Variants in DNAH10 observed in about 807,000 individuals in gnomAD.
DNAH10 encodes the protein axonemal beta dynein heavy chain 10.
In DNAH10, 348 loss-of-function variants were observed where a neutral mutation model predicts 506.6. That is an observed-to-expected ratio of 0.69 (90% CI 0.63 to 0.75). DNAH10 has a LOEUF of 0.75. Ranked by LOEUF, DNAH10 falls within the 30% of genes least tolerant of loss-of-function variation. The probability of loss-of-function intolerance (pLI) is 0.00; values close to 1 mark genes in which losing one functional copy is unlikely to be tolerated. For missense variants in DNAH10, 5,179 were observed against 5,787.1 expected, an observed-to-expected ratio of 0.89 and a Z score of 3.41; for synonymous variants, 2,059 against 2,198.6, an observed-to-expected ratio of 0.94 and a Z score of 1.78.
chr12:123,805,808 G>A (rs556623800), intron 18 of DNAH10, among the ~76,000 whole-genome samples: 5 of 140,100 alleles, frequency 3.6e-5, no homozygotes, highest in Admixed American at 1.6e-4. Flanking sequence ...ACAGAGTCTC[G>A]CTCTGTCGCC....
At chr12:123,912,474 TGG>T (rs111518943) in intron 59 of DNAH10, among the ~76,000 whole-genome samples, 2 of 27,902 alleles carry the variant, frequency 7.2e-5, no homozygotes, top group Admixed American at 5.7e-4. Flanking sequence ...GGGTCTGTCC[TGG>T]GGGGGGGTCT....
At chr12:123,929,172 G>A in intron 70 of DNAH10, 103 bp from the exon 71 acceptor site, 2 of 1,210,388 alleles carry the variant, frequency 1.7e-6, no homozygotes, top group South Asian at 2.8e-5. Flanking sequence ...CAGACAGATG[G>A]CTCCGTAGAG....
chr12:123,824,708 C>G (rs955081744), intron 24 of DNAH10, among the ~76,000 whole-genome samples: 1 of 152,128 alleles, frequency 6.6e-6, no homozygotes, highest in African/African-American at 2.4e-5. Context: ...CCCTGGCGTT[C>G]CGTGGCTTGC....
rs762803847 is a variant in DNAH10 at position 123,769,312 on chromosome 12, A to ATT, written c.298+1635_298+1636dup. On this transcript the variant is annotated intron_variant, in intron 2 of 78. Coordinates refer to ENST00000673944, the MANE Select transcript of DNAH10 (RefSeq NM_001372106.1). ...AGGCACACGCCACCTCATCCAGCTAATTTTTTTTTTTTTGAGACAGAATCT... is the reference window on the plus strand; with the variant it reads ...AGGCACACGCCACCTCATCCAGCTAATTTTTTTTTTTTTTTGAGACAGAATCT... Among the ~76,000 whole-genome samples the ATT allele has an allele frequency of 2.9e-4, 42 of 144,986 alleles. 1 individual carries two copies. Among genetic ancestry groups the ATT allele is most frequent in the African/African-American group, 1.0e-3 (40 of 39,690 alleles).
chr12:123,772,804 A>C, intron 3 of DNAH10, 30 bp from the exon 4 acceptor site: 1 of 1,527,908 alleles, frequency 6.5e-7, no homozygotes, highest in Non-Finnish European at 8.9e-7. Context: ...GTATCACAAG[A>C]ATGAATGGTT....
At position 123,875,481 on chromosome 12, in the gene DNAH10, G is replaced by C. The variant is rs1164960698; in HGVS notation, c.8189G>C (p.Gly2730Ala). ...TTAATTTATTCCTCCATCCTGAAAGGCCACACCTCGGTAACTTGATTTTAA... is the reference window on the plus strand; with the variant it reads ...TTAATTTATTCCTCCATCCTGAAAGCCCACACCTCGGTAACTTGATTTTAA... Reference protein sequence around the residue: ...LHLIYSSILKGHTSTFHESIV... With the variant: ...LHLIYSSILKAHTSTFHESIV... The change falls in exon 47 of 79, where the codon GGC becomes GCC. Residue 2730 changes from glycine (G) to alanine (A), a missense_variant. By Grantham distance (60) the Gly-to-Ala change is moderately conservative (BLOSUM62 0). Around this residue, in one of 3 missense-constraint regions of DNAH10, gnomAD observed 4,844 missense variants for 5,430.5 expected, o/e 0.89. Coordinates refer to ENST00000673944, the MANE Select transcript of DNAH10 (RefSeq NM_001372106.1). 1 of 1,613,678 alleles carries C rather than the reference G, an allele frequency of 6.2e-7. No individual in the cohort carries two copies. The highest frequency in any genetic ancestry group is 1.1e-5 in the South Asian group (1 of 91,080).
intron 50 of DNAH10, among the ~76,000 whole-genome samples, chr12:123,880,172 A>G (rs1444855504): frequency 6.6e-6 from 1 of 152,186 alleles, no homozygotes; most frequent in Non-Finnish European, 1.5e-5. Flanking sequence ...AAAGCCCAGC[A>G]GATGGAAATC....
rs190405273 is a variant in DNAH10 at position 123,853,408 on chromosome 12, C to T, written c.6438+56C>T. ...TTTCAGCTGCTTCAGGCATTTACTA[C>T]GTGCCATTGGGGAGGTGATGGGCAC... On this transcript the variant is annotated intron_variant, in intron 36 of 78. Transcript: ENST00000673944. The surrounding 1 kb of genome is among the most constrained non-coding windows in gnomAD (Gnocchi z 4.7). The T allele has an allele frequency of 8.3e-6, 13 of 1,568,846 alleles. No homozygotes were observed. The highest frequency in any genetic ancestry group is 6.9e-5 in the East Asian group (3 of 43,580).
At chr12:123,893,207 A>G (rs747106659) in intron 52 of DNAH10, 26 bp from the exon 53 acceptor site, 1 of 1,610,200 alleles carries the variant, frequency 6.2e-7, no homozygotes, top group Admixed American at 1.7e-5. Flanking sequence ...ACTCAGAGAG[A>G]TCACCAGCAT....
chr12:123,852,096 C>A (rs2136736400), intron 35 of DNAH10, among the ~76,000 whole-genome samples: 1 of 152,270 alleles, frequency 6.6e-6, no homozygotes, highest in South Asian at 2.1e-4. Flanking sequence ...TAGACACATT[C>A]TCCCCTCAAC....
chr12:123,928,147 G>A lies in DNAH10; in HGVS notation c.12106-240G>A, dbSNP rs1406196506. Reference sequence around the variant, plus strand: ...TCCAGGGCCAGGGAGGCAGATGAGTGCAAAATGCTCACCCATCTTCCAGGC... The same window carrying A: ...TCCAGGGCCAGGGAGGCAGATGAGTACAAAATGCTCACCCATCTTCCAGGC... On this transcript the variant is annotated intron_variant, in intron 69 of 78. Coordinates refer to ENST00000673944, the MANE Select transcript of DNAH10 (RefSeq NM_001372106.1). This position sits in a 1 kb window ranked among gnomAD's most constrained non-coding sequence, Gnocchi z 4.9. 5 of 591,524 alleles carry A rather than the reference G, an allele frequency of 8.5e-6. No homozygotes were observed. Among genetic ancestry groups the A allele is most frequent in the Non-Finnish European group, 1.5e-5 (5 of 332,934 alleles). The allele number at this position is 591,524 out of a possible 1,614,324, so 36.6% of individuals were successfully genotyped here.
Position 123,857,267 on chromosome 12 carries a change from C to T in DNAH10, c.6630+20C>T, listed in dbSNP as rs769134791. On this transcript the variant is annotated intron_variant, in intron 37 of 78. Coordinates refer to ENST00000673944, the MANE Select transcript of DNAH10 (RefSeq NM_001372106.1). The stretch of plus-strand genomic sequence containing the variant: ...ATCCAGGTAAAGCCAGGAAAATGAC[C>T]TCACTGTGGCCGTGCATCCTTTCCA... The T allele has an allele frequency of 1.3e-6, 2 of 1,520,420 alleles. No homozygotes were observed. Among genetic ancestry groups the T allele is most frequent in the East Asian group, 2.5e-5 (1 of 40,214 alleles). 94.2% of individuals were successfully genotyped at this position (1,520,420 alleles called of 1,614,324 possible).
chr12:123,912,898 T>C (rs1321295967), intron 59 of DNAH10, among the ~76,000 whole-genome samples, 200 bp from the exon 60 acceptor site: 1 of 152,202 alleles, frequency 6.6e-6, no homozygotes, highest in East Asian at 1.9e-4. Flanking sequence ...GTGCTGTGTC[T>C]TCTAATGGGA....
At chr12:123,889,580 G>A (rs138827332) in intron 52 of DNAH10, among the ~76,000 whole-genome samples, 137 of 152,280 alleles carry the variant, frequency 9.0e-4, no homozygotes, top group Middle Eastern at 3.4e-3. Flanking sequence ...GGTAAGTGCC[G>A]TGAGTGCAAA....
chr12:123,781,327 T>A, intron 6 of DNAH10, 28 bp downstream of exon 6: 1 of 1,580,742 alleles, frequency 6.3e-7, no homozygotes, highest in Non-Finnish European at 8.6e-7. Context: ...TCCTTTTTAG[T>A]TAAGAATGAT....
intron 19 of DNAH10, among the ~76,000 whole-genome samples, chr12:123,810,949 T>C (rs1348457828): frequency 6.6e-6 from 1 of 152,208 alleles, no homozygotes; most frequent in African/African-American, 2.4e-5. Flanking sequence ...GATTTGAGGC[T>C]CTTGGTGAAG....
At position 123,930,384 on chromosome 12, in the gene DNAH10, C is replaced by G. The variant is rs772265346; in HGVS notation, c.12613-18C>G. On this transcript the variant is annotated intron_variant, in intron 72 of 78. Transcript: ENST00000673944. ...AGGTTCTGAGCTCCTGGCTGGCTCT[C>G]AGGCCCTCTAATTTCAGGTCATGTA... 5.9e-6 allele frequency: 9 copies of G among 1,526,550 alleles called. No individual in the cohort carries two copies. The highest frequency in any genetic ancestry group is 7.9e-6 in the Non-Finnish European group (9 of 1,142,540). The allele number at this position is 1,526,550 out of a possible 1,614,324, so 94.6% of individuals were successfully genotyped here. A position where few individuals can be genotyped will look rare whatever the true frequency, so the allele number is the denominator to read the frequency against.
chr12:123,923,595 C>G, intron 65 of DNAH10, 168 bp from the exon 66 acceptor site: 1 of 545,278 alleles, frequency 1.8e-6, no homozygotes, highest in East Asian at 3.2e-5. Flanking sequence ...CTGAGCTCAT[C>G]TCTCTTGAAC....
chr12:123,873,136 A>G (rs1952102757), intron 45 of DNAH10, among the ~76,000 whole-genome samples: 1 of 152,218 alleles, frequency 6.6e-6, no homozygotes, highest in African/African-American at 2.4e-5. Flanking sequence ...TCATATTGAA[A>G]ATACTGTTGG....
Sources: gnomAD v4.1 joint callset for allele counts (sites outside exome capture counted in the v4.1 genomes callset) on GRCh38, gnomAD v4.1.1 for gene constraint, gnomAD v4.1.1 regional missense constraint, Gnocchi (gnomAD v3.1) non-coding constraint, MANE v1.5 for transcripts, NCBI Gene and HGNC (gene_info 2026-07-23, HGNC 2026-07-21) for gene names.